Variants in TRABD2B observed in about 807,000 individuals in gnomAD.
TRABD2B encodes the protein TraB domain containing 2B.
TRABD2B carries 14 observed loss-of-function variants against 40.1 expected under a neutral mutation model. The observed-to-expected ratio is 0.35, with a 90% confidence interval of 0.23 to 0.55. TRABD2B has a LOEUF of 0.55. Among genes scored for constraint, TRABD2B ranks in the 20% least tolerant of loss-of-function variants. TRABD2B has a pLI of 0.90. For synonymous variants in TRABD2B, 263 were observed against 277.0 expected, an observed-to-expected ratio of 0.95 and a Z score of 0.50; for missense variants, 541 against 648.6, an observed-to-expected ratio of 0.83 and a Z score of 1.80.
chr1:47,817,295 A>G (rs949693301), intron 2 of TRABD2B, among the ~76,000 whole-genome samples: 7 of 151,992 alleles, frequency 4.6e-5, no homozygotes, highest in Non-Finnish European at 7.4e-5. Context: ...GGATGGAAGG[A>G]GCACACTGGG....
intron 2 of TRABD2B, among the ~76,000 whole-genome samples, chr1:47,848,514 G>A (rs1434951053): frequency 6.6e-6 from 1 of 152,174 alleles, no homozygotes; most frequent in East Asian, 1.9e-4. Flanking sequence ...AACCAAACCT[G>A]GACCCTAAAA....
At chr1:47,971,507 T>C (rs1557687858) in intron 2 of TRABD2B, among the ~76,000 whole-genome samples, 1 of 152,206 alleles carries the variant, frequency 6.6e-6, no homozygotes, top group Non-Finnish European at 1.5e-5. Context: ...AACCAATCAA[T>C]GAGAATTTAT....
chr1:47,934,534 G>C (rs764683983), intron 2 of TRABD2B, among the ~76,000 whole-genome samples: 2 of 152,242 alleles, frequency 1.3e-5, no homozygotes, highest in Non-Finnish European at 2.9e-5. Context: ...TCTGCTCCTT[G>C]GATCTCCCCT....
At chr1:47,971,238 G>A (rs1570393106) in intron 2 of TRABD2B, among the ~76,000 whole-genome samples, 1 of 152,076 alleles carries the variant, frequency 6.6e-6, no homozygotes, top group East Asian at 1.9e-4. Context: ...ACTATATATA[G>A]GAATATCATG....
chr1:47,849,838 A>G (rs534293791), intron 2 of TRABD2B, among the ~76,000 whole-genome samples: 1 of 152,350 alleles, frequency 6.6e-6, no homozygotes, highest in Non-Finnish European at 1.5e-5. Context: ...CCTGCCTTAC[A>G]CAACTGCCTT....
chr1:47,815,272 A>G (rs934629366), intron 2 of TRABD2B, among the ~76,000 whole-genome samples: 2 of 152,222 alleles, frequency 1.3e-5, no homozygotes, highest in Non-Finnish European at 2.9e-5. Context: ...TACACTGCAG[A>G]TGGGAAATAC....
intron 2 of TRABD2B, among the ~76,000 whole-genome samples, chr1:47,857,536 G>A (rs1006752098): frequency 6.6e-6 from 1 of 152,080 alleles, no homozygotes; most frequent in African/African-American, 2.4e-5. Context: ...CTACCTCTGG[G>A]TGTCCCTCTG....
At chr1:47,853,845 A>G (rs1643864560) in intron 2 of TRABD2B, among the ~76,000 whole-genome samples, 1 of 152,210 alleles carries the variant, frequency 6.6e-6, no homozygotes, top group Admixed American at 6.5e-5. Context: ...TTACTCTGCA[A>G]TTATTCTCCA....
intron 5 of TRABD2B, among the ~76,000 whole-genome samples, chr1:47,778,053 C>T (rs1198020416): frequency 6.6e-6 from 1 of 152,100 alleles, no homozygotes; most frequent in Non-Finnish European, 1.5e-5. Flanking sequence ...GCAGGGCTGC[C>T]ACAGAGTGGG....
At chr1:47,774,982 T>C (rs1644423973) in intron 6 of TRABD2B, among the ~76,000 whole-genome samples, 188 bp downstream of exon 6, 1 of 152,246 alleles carries the variant, frequency 6.6e-6, no homozygotes, top group African/African-American at 2.4e-5. Context: ...GTACTTGTTG[T>C]TGAATTGCTT....
intron 2 of TRABD2B, among the ~76,000 whole-genome samples, chr1:47,841,489 T>C (rs1442988712): frequency 6.6e-6 from 1 of 152,226 alleles, no homozygotes; most frequent in Non-Finnish European, 1.5e-5. Flanking sequence ...CTTTCACTTA[T>C]TCATTCATTG....
intron 2 of TRABD2B, among the ~76,000 whole-genome samples, chr1:47,834,602 C>G (rs997685586): frequency 6.6e-6 from 1 of 152,064 alleles, no homozygotes; most frequent in Non-Finnish European, 1.5e-5. Context: ...CACACACACA[C>G]AGAGCCCTTC....
intron 2 of TRABD2B, among the ~76,000 whole-genome samples, chr1:47,879,893 G>A (rs939858901): frequency 2.6e-5 from 4 of 152,252 alleles, no homozygotes; most frequent in African/African-American, 9.6e-5. Flanking sequence ...ACCCCTGCCA[G>A]GCTGACCCCT....
At chr1:47,812,475 C>T (rs113233976) in intron 2 of TRABD2B, among the ~76,000 whole-genome samples, 6 of 152,140 alleles carry the variant, frequency 3.9e-5, no homozygotes, top group African/African-American at 1.2e-4. Flanking sequence ...CATCTGTAAT[C>T]CCAGCACTTT....
Position 47,761,700 on chromosome 1 carries a change from G to A in TRABD2B, c.*4202C>T, listed in dbSNP as rs1355947084. 8 of 152,398 alleles carry A rather than the reference G, an allele frequency of 5.2e-5. No individual in the cohort carries two copies. Among genetic ancestry groups the A allele is most frequent in the Admixed American group, 4.6e-4 (7 of 15,312 alleles). The allele number at this position is 152,398 out of a possible 1,614,324, so 9.4% of individuals were successfully genotyped here. On this transcript the variant is annotated 3_prime_UTR_variant, in exon 7 of 7. Coordinates refer to ENST00000606738, the MANE Select transcript of TRABD2B (RefSeq NM_001194986.2). ...TGTCAACTCTCCTACCACTTCTTCA[G>A]CCAGTGGGCACACTGCCCCTGCTCA... is the stretch of plus-strand genomic sequence containing the variant.
intron 2 of TRABD2B, among the ~76,000 whole-genome samples, chr1:47,906,600 CCCCAAGCCTAGACGGGTAATACTGCAA>C (rs1557649019): frequency 6.6e-6 from 1 of 152,180 alleles, no homozygotes; most frequent in Non-Finnish European, 1.5e-5. Context: ...GAGACTGATT[CCCCAAGCCTAGACGGGTAATACTGCAA>C]CCCTGCTTGG....
chr1:47,846,897 A>ACACACACAC (rs1557610250), intron 2 of TRABD2B, among the ~76,000 whole-genome samples: 5 of 69,382 alleles, frequency 7.2e-5, no homozygotes, highest in African/African-American at 2.0e-4. Flanking sequence ...CACACACACA[A>ACACACACAC]ATGAGGGCTG....
intron 2 of TRABD2B, among the ~76,000 whole-genome samples, chr1:47,866,378 A>G (rs778487626): frequency 2.2e-4 from 33 of 152,166 alleles, no homozygotes; most frequent in Admixed American, 1.8e-3. Context: ...GGAAGATCAG[A>G]GAAGGCTCAA....
chr1:47,876,777 T>C (rs1309044373), intron 2 of TRABD2B, among the ~76,000 whole-genome samples: 1 of 152,214 alleles, frequency 6.6e-6, no homozygotes, highest in Non-Finnish European at 1.5e-5. Context: ...CACTCCTTCA[T>C]GTCTCTGTTT....
Sources: gnomAD v4.1 joint callset for allele counts (sites outside exome capture counted in the v4.1 genomes callset) on GRCh38, gnomAD v4.1.1 for gene constraint, MANE v1.5 for transcripts, NCBI Gene and HGNC (gene_info 2026-07-23, HGNC 2026-07-21) for gene names.